Variants in HDAC4 observed in about 807,000 individuals in gnomAD.
HDAC4 encodes the protein histone deacetylase A.
In HDAC4, 16 loss-of-function variants were observed where a neutral mutation model predicts 135.1. The observed-to-expected ratio is 0.12, with a 90% CI of 0.08 to 0.18. The LOEUF (loss-of-function observed/expected upper bound fraction) is 0.18, where lower values mean the gene tolerates loss of function less well. HDAC4 is among the 10% of genes least tolerant of loss of function. The pLI, the probability that HDAC4 is intolerant of heterozygous loss-of-function variation, is 1.00. For missense variants in HDAC4, 1,143 were observed against 1,511.8 expected, an observed-to-expected ratio of 0.76 and a Z score of 4.05; for synonymous variants, 685 against 653.4, an observed-to-expected ratio of 1.05 and a Z score of -0.74.
chr2:239,349,249 G>A lies in HDAC4; in HGVS notation c.22+3429C>T, dbSNP rs989434194. Among the ~76,000 whole-genome samples the A allele has an allele frequency of 2.0e-5, 3 of 152,184 alleles. No homozygotes were observed. Among genetic ancestry groups the A allele is most frequent in the Admixed American group, 2.0e-4 (3 of 15,280 alleles). On this transcript the variant is annotated intron_variant, in intron 2 of 26. Transcript: ENST00000543185. This position sits in a 1 kb window ranked among gnomAD's most constrained non-coding sequence, Gnocchi z 5.7. Reference sequence around the variant, plus strand: ...GGACGGCACGAGAGACACACGGAGGGAGGGGAGGTGCAGCCAGGTAGGCCC... The same window carrying A: ...GGACGGCACGAGAGACACACGGAGGAAGGGGAGGTGCAGCCAGGTAGGCCC...
rs552975416 is a variant in HDAC4 at position 239,245,718 on chromosome 2, A to C, written c.23-9054T>G. ...TCTCTTTCCTTTCATATATCTTTGA[A>C]ACTTTTCATAACAATTTTTCAAGAG... On this transcript the variant is annotated intron_variant, in intron 2 of 26. Coordinates refer to ENST00000543185, the MANE Select transcript of HDAC4 (RefSeq NM_001378414.1). The surrounding 1 kb of genome is among the most constrained non-coding windows in gnomAD (Gnocchi z 4.4). Among the ~76,000 whole-genome samples the C allele has an allele frequency of 6.6e-6, 1 of 152,214 alleles. No individual in the cohort carries two copies. The highest frequency in any genetic ancestry group is 1.9e-4 in the East Asian group (1 of 5,178).
At chr2:239,289,675 C>T (rs1443892088) in intron 2 of HDAC4, among the ~76,000 whole-genome samples, 3 of 152,244 alleles carry the variant, frequency 2.0e-5, no homozygotes, top group East Asian at 1.9e-4. Flanking sequence ...CGCAGGGCCC[C>T]TCCCAGCCAC....
intron 2 of HDAC4, among the ~76,000 whole-genome samples, chr2:239,275,024 A>G (rs1167372743): frequency 1.3e-5 from 2 of 152,270 alleles, no homozygotes; most frequent in African/African-American, 2.4e-5. Flanking sequence ...GCTTCCAACC[A>G]TAAACATTCC....
At chr2:239,180,986 C>A (rs1032451091) in intron 4 of HDAC4, among the ~76,000 whole-genome samples, 2 of 152,238 alleles carry the variant, frequency 1.3e-5, no homozygotes, top group Non-Finnish European at 2.9e-5. Context: ...GATGGCAGAG[C>A]CCCACAGGAA....
chr2:239,147,619 G>A (rs2041850528), intron 7 of HDAC4, among the ~76,000 whole-genome samples: 1 of 152,258 alleles, frequency 6.6e-6, no homozygotes, highest in Admixed American at 6.5e-5. Context: ...CCCTAAGAGG[G>A]CTGCAGGTAC....
chr2:239,337,766 G>C (rs1331496145), intron 2 of HDAC4, among the ~76,000 whole-genome samples: 1 of 152,170 alleles, frequency 6.6e-6, no homozygotes, highest in African/African-American at 2.4e-5. Flanking sequence ...AAGCTTTCCA[G>C]GAACAGAGCG....
At chr2:239,184,874 T>C (rs1452899230) in intron 4 of HDAC4, among the ~76,000 whole-genome samples, 1 of 73,016 alleles carries the variant, frequency 1.4e-5, no homozygotes, top group Non-Finnish European at 2.6e-5. Flanking sequence ...GGAGGATGTA[T>C]CCTATGGGGG....
chr2:239,066,385 G>T (rs1215019755), intron 24 of HDAC4, among the ~76,000 whole-genome samples: 1 of 152,212 alleles, frequency 6.6e-6, no homozygotes, highest in Non-Finnish European at 1.5e-5. Context: ...AAGAGAGAAA[G>T]AAAAAGAAAA....
Position 239,352,558 on chromosome 2 carries a change from G to A in HDAC4, c.22+120C>T. The A allele has an allele frequency of 1.1e-6, 1 of 923,986 alleles. No individual in the cohort carries two copies. The highest frequency in any genetic ancestry group is 1.7e-6 in the Non-Finnish European group (1 of 576,682). 57.2% of individuals were successfully genotyped at this position (923,986 alleles called of 1,614,324 possible). A position where few individuals can be genotyped will look rare whatever the true frequency, so the allele number is the denominator to read the frequency against. On this transcript the variant is annotated intron_variant, in intron 2 of 26. Coordinates refer to ENST00000543185, the MANE Select transcript of HDAC4 (RefSeq NM_001378414.1). This position sits in a 1 kb window ranked among gnomAD's most constrained non-coding sequence, Gnocchi z 4.4. Reference sequence around the variant, plus strand: ...CTTTGTGCTGTCAAAAACCAACAGTGACCACTATCAAGAAAAACAAAAGTC... The same window carrying A: ...CTTTGTGCTGTCAAAAACCAACAGTAACCACTATCAAGAAAAACAAAAGTC...
chr2:239,325,760 T>A (rs935568880), intron 2 of HDAC4, among the ~76,000 whole-genome samples: 2 of 151,376 alleles, frequency 1.3e-5, no homozygotes, highest in African/African-American at 2.4e-5. Context: ...TGGTCAGGAG[T>A]TCGAGACCAG....
intron 2 of HDAC4, among the ~76,000 whole-genome samples, chr2:239,345,891 AACAC>A (rs373645538): frequency 3.7e-5 from 5 of 134,134 alleles, no homozygotes; most frequent in African/African-American, 8.4e-5. Flanking sequence ...CACCGTCTAA[AACAC>A]ACACACACCC....
chr2:239,216,382 T>C (rs1020108602), intron 3 of HDAC4, among the ~76,000 whole-genome samples: 1 of 152,024 alleles, frequency 6.6e-6, no homozygotes, highest in Admixed American at 6.5e-5. Context: ...TCTCATGTTC[T>C]GACCTTAAAG....
chr2:239,364,256 C>T (rs1694033773), intron 1 of HDAC4, among the ~76,000 whole-genome samples: 2 of 152,202 alleles, frequency 1.3e-5, no homozygotes, highest in Non-Finnish European at 2.9e-5. Context: ...TTATCTGTAA[C>T]AGTCAAAAAC....
At chr2:239,055,201 T>C (rs2031623978) in intron 24 of HDAC4, 1 of 303,578 alleles carries the variant, frequency 3.3e-6, no homozygotes, top group Non-Finnish European at 6.4e-6. Context: ...TTGTCTTTTA[T>C]TAATAAGTAA....
chr2:239,090,685 C>T (rs537010394), intron 17 of HDAC4, among the ~76,000 whole-genome samples: 19 of 151,256 alleles, frequency 1.3e-4, no homozygotes, highest in African/African-American at 4.4e-4. Context: ...TGAGCGCTTA[C>T]GTGACGCTCA....
rs56348817 is a variant in HDAC4, at chr2:239,392,200, C to T, written c.-220+8778G>A. ...GCTGCCCCAGCCAGCAACCGAGCTA[C>T]GCTGGGCTGTGCTGCACACTCAGGG... On this transcript the variant is annotated intron_variant, in intron 1 of 26. Transcript: ENST00000543185. Among the ~76,000 whole-genome samples the T allele has an allele frequency of 6.7e-3, 1,025 of 152,354 alleles. 12 individuals carry two copies. The highest frequency in any genetic ancestry group is 0.023 in the African/African-American group (963 of 41,584).
intron 2 of HDAC4, among the ~76,000 whole-genome samples, chr2:239,294,804 T>C (rs535830937): frequency 6.6e-6 from 1 of 152,180 alleles, no homozygotes; most frequent in Non-Finnish European, 1.5e-5. Flanking sequence ...ATGCCACTCC[T>C]CCCTCAGGGT....
chr2:239,124,324 C>G (rs2039943737), intron 12 of HDAC4, among the ~76,000 whole-genome samples: 1 of 152,258 alleles, frequency 6.6e-6, no homozygotes, highest in African/African-American at 2.4e-5. Context: ...GCAGCCCAGG[C>G]CTGGCTCCCA....
intron 2 of HDAC4, among the ~76,000 whole-genome samples, chr2:239,341,301 T>A (rs1051140586): frequency 1.2e-4 from 18 of 152,166 alleles, no homozygotes; most frequent in Admixed American, 9.2e-4. Flanking sequence ...AGACTGCAGG[T>A]GTTCAGGCAA....
Sources: gnomAD v4.1 joint callset for allele counts (sites outside exome capture counted in the v4.1 genomes callset) on GRCh38, gnomAD v4.1.1 for gene constraint, Gnocchi (gnomAD v3.1) non-coding constraint, MANE v1.5 for transcripts, NCBI Gene and HGNC (gene_info 2026-07-23, HGNC 2026-07-21) for gene names.